Variants in ERICH1 observed in about 807,000 individuals in gnomAD.
ERICH1 encodes glutamate rich 1.
Under a neutral mutation model 39.6 loss-of-function variants are expected in ERICH1, and 56 were observed. That is an observed-to-expected ratio of 1.41 (90% CI 1.14 to 1.77). The LOEUF (loss-of-function observed/expected upper bound fraction) is 1.77. ERICH1 is among the 40% of genes most tolerant of loss of function. The pLI is 0.00. For missense variants in ERICH1, 826 were observed against 575.4 expected, an observed-to-expected ratio of 1.44 and a Z score of -4.45; for synonymous variants, 313 against 223.6, an observed-to-expected ratio of 1.40 and a Z score of -3.57.
chr8:696,999 C>T (rs1316074063), intron 2 of ERICH1, among the ~76,000 whole-genome samples: 2 of 152,178 alleles, frequency 1.3e-5, no homozygotes, highest in African/African-American at 2.4e-5. Context: ...CCCTCCACTC[C>T]GCTCCTTCCT....
intron 3 of ERICH1, among the ~76,000 whole-genome samples, chr8:633,721 T>C (rs1423039537): frequency 6.6e-6 from 1 of 152,148 alleles, no homozygotes; most frequent in African/African-American, 2.4e-5. Context: ...GACCCAGAAA[T>C]AAACCCTCAA....
intron 3 of ERICH1, among the ~76,000 whole-genome samples, chr8:681,136 C>T (rs1487550861): frequency 6.6e-6 from 1 of 152,170 alleles, no homozygotes; most frequent in African/African-American, 2.4e-5. Context: ...GTGGCCTCTG[C>T]ACCCCACTTC....
intron 2 of ERICH1, among the ~76,000 whole-genome samples, chr8:694,015 T>C (rs1345138310): frequency 6.6e-6 from 1 of 152,246 alleles, no homozygotes; most frequent in Non-Finnish European, 1.5e-5. Context: ...AATATGGCAG[T>C]GATGCTCTTG....
intron 3 of ERICH1, among the ~76,000 whole-genome samples, chr8:634,759 G>T (rs191531213): frequency 6.6e-6 from 1 of 152,344 alleles, no homozygotes; most frequent in Admixed American, 6.5e-5. Flanking sequence ...TGACCTTGGC[G>T]ACCGGAAGCC....
chr8:700,940 C>T (rs1456565518), intron 2 of ERICH1, among the ~76,000 whole-genome samples: 1 of 152,268 alleles, frequency 6.6e-6, no homozygotes, highest in Non-Finnish European at 1.5e-5. Flanking sequence ...CAAGGGCAAT[C>T]TGGCCCAAAA....
rs1213535027 is a variant in ERICH1 at position 616,982 on chromosome 8, G to C, written c.977-1698C>G. ...AGACACACAGAGAGAGAGAGAGAGA[G>C]ACATTGGTTATATAAGCGAGCAAAT... On this transcript the variant is annotated intron_variant, in intron 3 of 3. Transcript: ENST00000522706. Among the ~76,000 whole-genome samples, 3 of 139,458 alleles carry C rather than the reference G, an allele frequency of 2.2e-5. 1 individual carries two copies. The highest frequency in any genetic ancestry group is 2.5e-4 in the South Asian group (1 of 4,056). The allele number at this position is 139,458 out of a possible 152,430, so 91.5% of individuals were successfully genotyped here.
chr8:681,954 CTTCA>C (rs569472059), intron 3 of ERICH1, among the ~76,000 whole-genome samples: 1 of 152,360 alleles, frequency 6.6e-6, no homozygotes, highest in African/African-American at 2.4e-5. Context: ...CCCTGTCTGC[CTTCA>C]TTAAGAATCC....
intron 2 of ERICH1, among the ~76,000 whole-genome samples, chr8:703,782 T>C (rs561171862): frequency 6.6e-6 from 1 of 152,054 alleles, no homozygotes; most frequent in South Asian, 2.1e-4. Flanking sequence ...CGGGAGAAGA[T>C]GTAAGAAAAA....
intron 3 of ERICH1, among the ~76,000 whole-genome samples, chr8:633,900 G>A (rs1434879011): frequency 6.6e-6 from 1 of 152,138 alleles, no homozygotes; most frequent in Non-Finnish European, 1.5e-5. Flanking sequence ...GTACATCAAA[G>A]ACCTAAATGT....
chr8:678,805 C>T (rs927239196), intron 3 of ERICH1, among the ~76,000 whole-genome samples: 2 of 152,286 alleles, frequency 1.3e-5, no homozygotes. Context: ...GAGACTCCAT[C>T]TCAAAAGAAA....
At position 638,610 on chromosome 8, in the gene ERICH1, G is replaced by A. The variant is rs538818618; in HGVS notation, c.977-23326C>T. 1.1e-3 allele frequency among the ~76,000 whole-genome samples: 167 copies of A among 152,256 alleles called. 2 individuals are homozygous for A. The highest frequency in any genetic ancestry group is 4.1e-3 in the South Asian group (20 of 4,826). On this transcript the variant is annotated intron_variant, in intron 3 of 3. Coordinates refer to the ERICH1 transcript ENST00000522706. ...CTTAAATACAGTGAAACTGTCTTGC[G>A]ATGGAAACTCCCTTTGCAAACAGCT...
chr8:708,318 C>T (rs1157981054), intron 2 of ERICH1, among the ~76,000 whole-genome samples: 5 of 152,154 alleles, frequency 3.3e-5, no homozygotes, highest in African/African-American at 1.2e-4. Context: ...AACATACGTC[C>T]ACACCAGGCC....
At chr8:672,735 C>T (rs1390267944) in intron 4 of ERICH1, among the ~76,000 whole-genome samples, 2 of 152,202 alleles carry the variant, frequency 1.3e-5, no homozygotes, top group East Asian at 3.8e-4. Flanking sequence ...GACATTAAAC[C>T]TATGTTTATT....
chr8:674,252 C>G (rs953462270), intron 3 of ERICH1, among the ~76,000 whole-genome samples: 3 of 145,394 alleles, frequency 2.1e-5, no homozygotes, highest in African/African-American at 7.5e-5. Flanking sequence ...ACAGATGCGA[C>G]AATCATAATA....
intron 2 of ERICH1, among the ~76,000 whole-genome samples, chr8:694,473 G>A (rs556615895): frequency 6.6e-6 from 1 of 152,222 alleles, no homozygotes; most frequent in African/African-American, 2.4e-5. Context: ...AGGGATCAGG[G>A]AACACTCAAT....
At position 711,127 on chromosome 8, in the gene ERICH1, T is replaced by C. The variant is rs183449545; in HGVS notation, c.169+4734A>G. On this transcript the variant is annotated intron_variant, in intron 2 of 5. Transcript: ENST00000262109. The stretch of plus-strand genomic sequence containing the variant: ...ACATATGATGTGAAACATCTTTACA[T>C]AGGATTATTTGCCATCTACATATTT... Among the ~76,000 whole-genome samples the C allele has an allele frequency of 1.8e-3, 275 of 152,380 alleles. 1 individual carries two copies. Among genetic ancestry groups the C allele is most frequent in the African/African-American group, 6.2e-3 (259 of 41,600 alleles).
intron 2 of ERICH1, among the ~76,000 whole-genome samples, chr8:697,261 G>A (rs1348159320): frequency 6.6e-6 from 1 of 152,188 alleles, no homozygotes; most frequent in African/African-American, 2.4e-5. Flanking sequence ...CAGGGGACAA[G>A]GCGGACACCA....
At chr8:628,995 C>A (rs1182193362) in intron 3 of ERICH1, among the ~76,000 whole-genome samples, 1 of 152,162 alleles carries the variant, frequency 6.6e-6, no homozygotes, top group African/African-American at 2.4e-5. Flanking sequence ...TGGCTTGAAT[C>A]CATCAGCATC....
chr8:617,237 G>A (rs1044435385), intron 3 of ERICH1, among the ~76,000 whole-genome samples: 1 of 152,170 alleles, frequency 6.6e-6, no homozygotes. Context: ...TAAAAAGTGG[G>A]AAGTACTCCG....
Sources: allele counts gnomAD v4.1 joint callset (sites outside exome capture counted in the v4.1 genomes callset), GRCh38; gene constraint gnomAD v4.1.1; transcripts MANE v1.5; gene names NCBI Gene and HGNC (gene_info 2026-07-23, HGNC 2026-07-21).